BBS9: variants seen among roughly 807,000 people sequenced by gnomAD.
The protein encoded by BBS9 is protein PTHB1.
Under a neutral mutation model 117.7 loss-of-function variants are expected in BBS9, and 89 were observed. The ratio of observed to expected loss-of-function variants is 0.76; its 90% CI spans 0.64 to 0.90. BBS9 has a LOEUF of 0.90. BBS9 is among the 40% of genes least tolerant of loss of function. BBS9 has a pLI of 0.00. For synonymous variants in BBS9, 379 were observed against 370.9 expected, an observed-to-expected ratio of 1.02 and a Z score of -0.25; for missense variants, 982 against 1,042.2, an observed-to-expected ratio of 0.94 and a Z score of 0.80.
chr7:33,472,811 C>T (rs1249335642), intron 19 of BBS9, among the ~76,000 whole-genome samples: 1 of 152,188 alleles, frequency 6.6e-6, no homozygotes, highest in East Asian at 1.9e-4. Context: ...GTAGTGAACA[C>T]GTATACTTTA....
At chr7:33,590,043 A>C (rs531458934) in intron 21 of BBS9, among the ~76,000 whole-genome samples, 1 of 152,212 alleles carries the variant, frequency 6.6e-6, no homozygotes, top group Non-Finnish European at 1.5e-5. Flanking sequence ...GAAGTCAAGC[A>C]AAAAAAGTTT....
intron 21 of BBS9, among the ~76,000 whole-genome samples, chr7:33,594,682 C>G (rs907907409): frequency 1.3e-5 from 2 of 151,972 alleles, no homozygotes; most frequent in Non-Finnish European, 2.9e-5. Context: ...CCAGTCTTAC[C>G]TAGAGAGCAA....
intron 13 of BBS9, 179 bp downstream of exon 13, chr7:33,349,349 A>G (rs1471927511): frequency 1.6e-6 from 1 of 640,952 alleles, no homozygotes; most frequent in Middle Eastern, 2.5e-4. Flanking sequence ...ACGTTCAATC[A>G]ATGATTGTTG....
intron 20 of BBS9, among the ~76,000 whole-genome samples, chr7:33,521,308 C>A (rs961613455): frequency 2.0e-5 from 3 of 152,118 alleles, no homozygotes; most frequent in Non-Finnish European, 4.4e-5. Context: ...GCACTGCAGC[C>A]GAACCTTCTG....
intron 21 of BBS9, among the ~76,000 whole-genome samples, chr7:33,547,459 T>G (rs1853584889): frequency 6.6e-6 from 1 of 152,168 alleles, no homozygotes; most frequent in African/African-American, 2.4e-5. Flanking sequence ...AGAATATACA[T>G]AGACTGAATA....
At chr7:33,432,297 G>C (rs1448016594) in intron 19 of BBS9, among the ~76,000 whole-genome samples, 1 of 148,588 alleles carries the variant, frequency 6.7e-6, no homozygotes, top group Non-Finnish European at 1.5e-5. Context: ...TTTTAGTAGA[G>C]ACGGGGTTTC....
intron 3 of BBS9, among the ~76,000 whole-genome samples, chr7:33,153,553 C>T (rs542908905): frequency 6.6e-6 from 1 of 152,232 alleles, no homozygotes; most frequent in Non-Finnish European, 1.5e-5. Context: ...TTTTGAGCTC[C>T]CTTTTGCCTT....
At chr7:33,172,638 T>G (rs1055537092) in intron 4 of BBS9, among the ~76,000 whole-genome samples, 1 of 152,250 alleles carries the variant, frequency 6.6e-6, no homozygotes. Context: ...TTTGCTAGCT[T>G]TTAAATAGTT....
At chr7:33,553,382 T>C (rs1219051267) in intron 21 of BBS9, among the ~76,000 whole-genome samples, 2 of 152,170 alleles carry the variant, frequency 1.3e-5, no homozygotes, top group Admixed American at 1.3e-4. Context: ...ATGAACTGCA[T>C]CCTCTTCTAT....
At chr7:33,438,839 A>C (rs1246227267) in intron 19 of BBS9, among the ~76,000 whole-genome samples, 1 of 152,242 alleles carries the variant, frequency 6.6e-6, no homozygotes, top group African/African-American at 2.4e-5. Flanking sequence ...AAAGCTGGCG[A>C]ATGTTCTCAT....
chr7:33,278,934 C>T (rs150873252), intron 9 of BBS9, among the ~76,000 whole-genome samples: 24 of 152,300 alleles, frequency 1.6e-4, no homozygotes, highest in East Asian at 1.5e-3. Context: ...ATTTAATTGA[C>T]GCACATCTAG....
intron 4 of BBS9, among the ~76,000 whole-genome samples, chr7:33,174,303 G>A (rs910432605): frequency 6.6e-6 from 1 of 152,218 alleles, no homozygotes; most frequent in Middle Eastern, 3.2e-3. Context: ...TCTCCTGGGG[G>A]TTGTTAGAAC....
rs150879203 is a variant in BBS9 at position 33,519,329 on chromosome 7, T to C, written c.2298+13684T>C. Among the ~76,000 whole-genome samples the C allele has an allele frequency of 1.1e-3, 169 of 152,342 alleles. 1 individual carries two copies. Among genetic ancestry groups the C allele is most frequent in the African/African-American group, 4.0e-3 (165 of 41,584 alleles). Reference sequence around the variant, plus strand: ...ATATATGGGCACCTGAGGAGTCTTATGTGACCCCTTGTGTTGTATGTCTTG... The same window carrying C: ...ATATATGGGCACCTGAGGAGTCTTACGTGACCCCTTGTGTTGTATGTCTTG... On this transcript the variant is annotated intron_variant, in intron 20 of 22. Transcript: ENST00000242067.
intron 4 of BBS9, among the ~76,000 whole-genome samples, chr7:33,176,799 C>A (rs1014264766): frequency 6.6e-6 from 1 of 152,056 alleles, no homozygotes; most frequent in Non-Finnish European, 1.5e-5. Flanking sequence ...TTCCAACACA[C>A]TTTTTAATCA....
chr7:33,379,468 T>G (rs1245585836), intron 17 of BBS9, among the ~76,000 whole-genome samples: 1 of 152,218 alleles, frequency 6.6e-6, no homozygotes, highest in Non-Finnish European at 1.5e-5. Flanking sequence ...CCAAGTTTTT[T>G]CTATCTGCAT....
chr7:33,339,195 G>A (rs1171756519), intron 10 of BBS9, among the ~76,000 whole-genome samples: 1 of 152,002 alleles, frequency 6.6e-6, no homozygotes, highest in Non-Finnish European at 1.5e-5. Context: ...CTTCTATCTC[G>A]GAGTCATATA....
At chr7:33,583,689 G>A (rs1412670488) in intron 21 of BBS9, among the ~76,000 whole-genome samples, 1 of 152,036 alleles carries the variant, frequency 6.6e-6, no homozygotes, top group Non-Finnish European at 1.5e-5. Flanking sequence ...TTTGGGGCTG[G>A]AAAAAATTTT....
intron 19 of BBS9, among the ~76,000 whole-genome samples, chr7:33,433,850 A>T (rs910073353): frequency 1.3e-5 from 2 of 152,124 alleles, no homozygotes; most frequent in African/African-American, 4.8e-5. Context: ...TTAGAACTGT[A>T]TAAGTAGGGA....
intron 19 of BBS9, among the ~76,000 whole-genome samples, chr7:33,397,594 A>T (rs920939376): frequency 6.6e-6 from 1 of 152,184 alleles, no homozygotes; most frequent in Admixed American, 6.5e-5. Flanking sequence ...TAGAGTAGAT[A>T]AAGAAAATGT....
Sources: gnomAD v4.1 joint callset for allele counts (sites outside exome capture counted in the v4.1 genomes callset) on GRCh38, gnomAD v4.1.1 for gene constraint, MANE v1.5 for transcripts, NCBI Gene and HGNC (gene_info 2026-07-23, HGNC 2026-07-21) for gene names.